Variants in ZNF362 observed in about 807,000 individuals in gnomAD.
ZNF362 encodes the protein zinc finger protein 362, also known as rotund homolog.
Under a neutral mutation model 42.9 loss-of-function variants are expected in ZNF362, and 11 were observed. The ratio of observed to expected loss-of-function variants is 0.26; its 90% CI spans 0.16 to 0.42. ZNF362 has a LOEUF of 0.42. Ranked by LOEUF, ZNF362 falls within the 20% of genes least tolerant of loss-of-function variation. The pLI is 1.00. For synonymous variants in ZNF362, 255 were observed against 257.3 expected (o/e 0.99, Z 0.09); for missense variants, 362 against 576.2 (o/e 0.63, Z 3.81).
chr1:33,295,107 A>T, intron 7 of ZNF362, 40 bp from the exon 8 acceptor site: 1 of 1,498,654 alleles, frequency 6.7e-7, no homozygotes, highest in Non-Finnish European at 9.1e-7. Flanking sequence ...GGGGTGAGGG[A>T]GCCCTGTTCC....
the ZNF362 span, among the ~76,000 whole-genome samples, chr1:33,204,874 C>A: frequency 6.6e-6 from 1 of 152,092 alleles, no homozygotes; most frequent in Non-Finnish European, 1.5e-5. Context: ...ATATTAGCAA[C>A]AAACGATCAG....
the ZNF362 span, among the ~76,000 whole-genome samples, chr1:33,186,194 A>AG: frequency 6.6e-6 from 1 of 152,168 alleles, no homozygotes; most frequent in Non-Finnish European, 1.5e-5. Flanking sequence ...AGGTGAACAA[A>AG]GGGACACCCT....
chr1:33,165,422 C>T, the ZNF362 span: 1 of 1,512,814 alleles, frequency 6.6e-7, no homozygotes, highest in South Asian at 1.2e-5. This position sits in a 1 kb window ranked among gnomAD's most constrained non-coding sequence, Gnocchi z 4.0. Flanking sequence ...CCCTCGAAGC[C>T]CTGCCCTCAT....
At chr1:33,172,242 G>T in the ZNF362 span, among the ~76,000 whole-genome samples, 1 of 152,188 alleles carries the variant, frequency 6.6e-6, no homozygotes, top group Non-Finnish European at 1.5e-5. Context: ...GACTCAGAAC[G>T]GGGGGAGCTT....
chr1:33,141,831 G>T, the ZNF362 span: 1 of 167,580 alleles, frequency 6.0e-6, no homozygotes, highest in South Asian at 1.8e-4. Flanking sequence ...ATGTATCCTG[G>T]AACTTAAAAA....
At chr1:33,217,084 A>G in the ZNF362 span, among the ~76,000 whole-genome samples, 1 of 152,148 alleles carries the variant, frequency 6.6e-6, no homozygotes, top group African/African-American at 2.4e-5. Flanking sequence ...AGCATCAGGA[A>G]CAGGCACGTG....
the ZNF362 span, among the ~76,000 whole-genome samples, chr1:33,183,769 C>T: frequency 6.6e-6 from 1 of 152,196 alleles, no homozygotes; most frequent in Non-Finnish European, 1.5e-5. Flanking sequence ...TTGCAACAGC[C>T]ATCTTGCTCC....
the ZNF362 span, among the ~76,000 whole-genome samples, chr1:33,222,479 C>A: frequency 6.6e-6 from 1 of 152,178 alleles, no homozygotes; most frequent in Non-Finnish European, 1.5e-5. Context: ...AATATTTCTC[C>A]ACATTCGCCA....
At chr1:33,233,629 C>T in the ZNF362 span, among the ~76,000 whole-genome samples, 3 of 152,178 alleles carry the variant, frequency 2.0e-5, no homozygotes, top group Non-Finnish European at 4.4e-5. Flanking sequence ...GTCTTGAACT[C>T]CTGACCTGAA....
chr1:33,157,038 C>T, the ZNF362 span, among the ~76,000 whole-genome samples: 2,653 of 151,326 alleles, frequency 0.018, 77 homozygotes, highest in African/African-American at 0.056. Flanking sequence ...TCACCCCCTT[C>T]GGTCTATTCT....
the ZNF362 span, among the ~76,000 whole-genome samples, chr1:33,129,245 A>G: frequency 1.3e-5 from 2 of 152,210 alleles, no homozygotes; most frequent in African/African-American, 4.8e-5. The surrounding 1 kb of genome is among the most constrained non-coding windows in gnomAD (Gnocchi z 4.1). Flanking sequence ...TAAAGAAACC[A>G]AAGTTAAAGT....
chr1:33,283,461 C>G (rs1646011113), intron 6 of ZNF362, among the ~76,000 whole-genome samples: 1 of 152,120 alleles, frequency 6.6e-6, no homozygotes, highest in South Asian at 2.1e-4. Context: ...AATTCTAGCA[C>G]TTTGGGAGGC....
At chr1:33,260,841 T>G (rs1304701476) in intron 1 of ZNF362, among the ~76,000 whole-genome samples, 2 of 152,194 alleles carry the variant, frequency 1.3e-5, no homozygotes, top group Non-Finnish European at 2.9e-5. Context: ...TCATGGAATC[T>G]AAGAATCCCA....
chr1:33,214,797 TATC>T, the ZNF362 span, among the ~76,000 whole-genome samples: 39 of 152,328 alleles, frequency 2.6e-4, no homozygotes, highest in East Asian at 2.9e-3. Flanking sequence ...TACAATGAGA[TATC>T]ATCTCACCCC....
At chr1:33,136,141 TCC>T in the ZNF362 span, among the ~76,000 whole-genome samples, 1 of 146,278 alleles carries the variant, frequency 6.8e-6, no homozygotes, top group South Asian at 2.3e-4. Flanking sequence ...CTTCCTTCCT[TCC>T]TTCCTTCCTT....
the ZNF362 span, among the ~76,000 whole-genome samples, chr1:33,152,481 C>T: frequency 6.6e-6 from 1 of 151,224 alleles, no homozygotes; most frequent in Admixed American, 6.6e-5. Context: ...GCAGGAGAAT[C>T]GCTTGAATCT....
chr1:33,238,180 G>A, the ZNF362 span, among the ~76,000 whole-genome samples: 41 of 151,746 alleles, frequency 2.7e-4, no homozygotes, highest in African/African-American at 8.2e-4. Context: ...TTAGCCAGGC[G>A]TGGTGGCAGG....
At chr1:33,143,775 G>A in the ZNF362 span, among the ~76,000 whole-genome samples, 5 of 152,198 alleles carry the variant, frequency 3.3e-5, no homozygotes, top group African/African-American at 1.2e-4. Flanking sequence ...GGCTCCCAGG[G>A]GTGCTGTACT....
chr1:33,262,549 C>T (rs1570381596), intron 1 of ZNF362, among the ~76,000 whole-genome samples: 2 of 151,998 alleles, frequency 1.3e-5, no homozygotes, highest in African/African-American at 4.8e-5. Flanking sequence ...CCTTGTGATC[C>T]ATCCGCCTTG....
Sources: allele counts gnomAD v4.1 joint callset (sites outside exome capture counted in the v4.1 genomes callset), GRCh38; gene constraint gnomAD v4.1.1; non-coding constraint Gnocchi (gnomAD v3.1); transcripts MANE v1.5; gene names NCBI Gene and HGNC (gene_info 2026-07-23, HGNC 2026-07-21).